CTNNA2: variants seen among roughly 807,000 people sequenced by gnomAD.
CTNNA2 encodes catenin alpha-2.
In CTNNA2, 42 loss-of-function variants were observed where a neutral mutation model predicts 101.0. The observed-to-expected ratio is 0.42, with a 90% CI of 0.32 to 0.54. The LOEUF (loss-of-function observed/expected upper bound fraction) is 0.54, where lower values mean the gene tolerates loss of function less well. CTNNA2 is among the 20% of genes least tolerant of loss of function. The pLI, the probability that CTNNA2 is intolerant of heterozygous loss-of-function variation, is 0.14. For synonymous variants in CTNNA2, 450 were observed against 456.4 expected (o/e 0.99, Z 0.18); for missense variants, 871 against 1,223.1 (o/e 0.71, Z 4.29).
intron 1 of CTNNA2, among the ~76,000 whole-genome samples, chr2:79,522,845 A>G (rs1672193577): frequency 6.6e-6 from 1 of 152,224 alleles, no homozygotes; most frequent in African/African-American, 2.4e-5. Flanking sequence ...GAATCCAATA[A>G]CAGAAGATAC....
At chr2:80,438,188 T>G (rs1445066755) in intron 9 of CTNNA2, among the ~76,000 whole-genome samples, 6 of 152,188 alleles carry the variant, frequency 3.9e-5, no homozygotes, top group Non-Finnish European at 7.3e-5. Context: ...TGGTCTTTCC[T>G]CTATGCTCGC....
At chr2:80,527,311 T>G (rs1424622506) in intron 9 of CTNNA2, among the ~76,000 whole-genome samples, 1 of 152,152 alleles carries the variant, frequency 6.6e-6, no homozygotes, top group Non-Finnish European at 1.5e-5. Context: ...TGTCAAAAAG[T>G]GAAGCGTTTG....
chr2:80,514,479 C>T (rs1041534237), intron 9 of CTNNA2, among the ~76,000 whole-genome samples: 23 of 152,188 alleles, frequency 1.5e-4, no homozygotes, highest in Non-Finnish European at 3.2e-4. Flanking sequence ...ACAGCCTTTT[C>T]TGGGTACCCA....
intron 9 of CTNNA2, among the ~76,000 whole-genome samples, chr2:80,521,555 G>T (rs1038495418): frequency 6.6e-5 from 10 of 152,152 alleles, no homozygotes; most frequent in Non-Finnish European, 1.5e-4. Context: ...AATCACAAGG[G>T]TCTTTATATG....
chr2:80,209,780 G>A (rs1416072911), intron 7 of CTNNA2, among the ~76,000 whole-genome samples: 29 of 152,186 alleles, frequency 1.9e-4, no homozygotes, highest in Admixed American at 1.9e-3. Context: ...AGGTTCCTCA[G>A]CTAACAACCT....
intron 1 of CTNNA2, chr2:79,514,840 G>A (rs1433728047): frequency 1.3e-5 from 2 of 152,164 alleles, no homozygotes; most frequent in Non-Finnish European, 2.9e-5. Context: ...AATTAATGGT[G>A]GATTCTTTGA....
chr2:80,502,199 T>A (rs567663251), intron 9 of CTNNA2, among the ~76,000 whole-genome samples: 1 of 152,234 alleles, frequency 6.6e-6, no homozygotes, highest in Non-Finnish European at 1.5e-5. Flanking sequence ...AAATTTAATA[T>A]TTGGAACTTT....
intron 7 of CTNNA2, among the ~76,000 whole-genome samples, chr2:80,173,854 C>T (rs1454219605): frequency 6.6e-6 from 1 of 152,130 alleles, no homozygotes; most frequent in Non-Finnish European, 1.5e-5. Context: ...CTACAGTATA[C>T]CACTAGTAGC....
intron 4 of CTNNA2, among the ~76,000 whole-genome samples, chr2:79,423,277 C>A (rs2104503777): frequency 6.6e-6 from 1 of 152,264 alleles, no homozygotes; most frequent in African/African-American, 2.4e-5. Flanking sequence ...TCCATCCCCA[C>A]CAAAGTTGCA....
intron 7 of CTNNA2, among the ~76,000 whole-genome samples, chr2:80,054,251 A>T (rs1384668435): frequency 6.6e-6 from 1 of 152,202 alleles, no homozygotes; most frequent in East Asian, 1.9e-4. Context: ...CTTAATTGAA[A>T]TAAAAACAAC....
At chr2:79,641,875 G>A (rs1249954927) in intron 1 of CTNNA2, among the ~76,000 whole-genome samples, 3 of 152,120 alleles carry the variant, frequency 2.0e-5, no homozygotes, top group Admixed American at 6.5e-5. Context: ...AAATTGGCAC[G>A]GAGTATTAAA....
intron 7 of CTNNA2, among the ~76,000 whole-genome samples, chr2:80,382,802 C>T (rs1676636579): frequency 6.6e-6 from 1 of 152,152 alleles, no homozygotes. Flanking sequence ...ATGCCAGACT[C>T]TAGGGATTCT....
chr2:79,645,449 G>T (rs1680751825), intron 1 of CTNNA2, among the ~76,000 whole-genome samples: 1 of 152,124 alleles, frequency 6.6e-6, no homozygotes, highest in Non-Finnish European at 1.5e-5. Flanking sequence ...AATAATACCT[G>T]CCAACTACCC....
chr2:79,770,696 A>G (rs1437655649), intron 3 of CTNNA2, among the ~76,000 whole-genome samples: 3 of 152,190 alleles, frequency 2.0e-5, no homozygotes, highest in Non-Finnish European at 4.4e-5. Flanking sequence ...TCTGATTACC[A>G]AGAGAGATAT....
chr2:80,116,556 A>AT (rs1701535112), intron 7 of CTNNA2, among the ~76,000 whole-genome samples: 1 of 152,160 alleles, frequency 6.6e-6, no homozygotes, highest in Non-Finnish European at 1.5e-5. Flanking sequence ...ATTGGCAGAA[A>AT]TGAGATGAAT....
intron 2 of CTNNA2, among the ~76,000 whole-genome samples, chr2:79,311,408 C>CAAAAAAAAAA (rs753633073): frequency 0.028 from 1,848 of 66,888 alleles, 75 homozygotes; most frequent in African/African-American, 0.035. Flanking sequence ...GACTCCGTCT[C>CAAAAAAAAAA]AAAAAAAAAA....
intron 7 of CTNNA2, among the ~76,000 whole-genome samples, chr2:80,364,215 C>T (rs1428900610): frequency 6.6e-6 from 1 of 152,062 alleles, no homozygotes; most frequent in African/African-American, 2.4e-5. Context: ...TAACTGTTCT[C>T]CTGTCTTGCT....
chr2:79,724,814 CAAA>C (rs60016527), intron 2 of CTNNA2, among the ~76,000 whole-genome samples: 3,656 of 73,878 alleles, frequency 0.049, 38 homozygotes, highest in Non-Finnish European at 0.067. Flanking sequence ...GACTCCACCT[CAAA>C]AAAAAAAAAA....
In CTNNA2 at chr2:80,394,572, A is replaced by T. The variant is rs141888445; in HGVS notation, c.1137+1281A>T. 5.0e-4 allele frequency among the ~76,000 whole-genome samples: 76 copies of T among 152,294 alleles called. 2 individuals are homozygous for T. The East Asian group carries it at 0.012, about 23-fold the overall frequency. ...CTCTATCTCTTTGTTCTCTTAGATC[A>T]TCTCTACATATCCCCATTTGATATG... is the stretch of plus-strand genomic sequence containing the variant. On this transcript the variant is annotated intron_variant, in intron 8 of 18. Transcript: ENST00000402739.
Sources: gnomAD v4.1 joint callset for allele counts (sites outside exome capture counted in the v4.1 genomes callset) on GRCh38, gnomAD v4.1.1 for gene constraint, MANE v1.5 for transcripts, NCBI Gene and HGNC (gene_info 2026-07-23, HGNC 2026-07-21) for gene names.